The following GUCY2F variants were observed in gnomAD, a reference collection of about 807,000 sequenced individuals.
The protein encoded by GUCY2F is guanylate cyclase 2F, retinal, also known as retinal guanylyl cyclase 2.
In GUCY2F, 61 loss-of-function variants were observed where a neutral mutation model predicts 73.1. That is an observed-to-expected ratio of 0.83 (90% confidence interval 0.68 to 1.03). GUCY2F has a LOEUF of 1.03. GUCY2F is among the 50% of genes least tolerant of loss of function. The probability of loss-of-function intolerance (pLI) is 0.00; values close to 1 mark genes in which losing one functional copy is unlikely to be tolerated. For synonymous variants in GUCY2F, 331 were observed against 307.8 expected (o/e 1.08, Z -0.79); for missense variants, 912 against 854.3 (o/e 1.07, Z -0.84).
chrX:109,442,339 G>A (rs1931893031), intron 6 of GUCY2F, among the ~76,000 whole-genome samples: 1 of 111,136 alleles, frequency 9.0e-6, no homozygotes, highest in South Asian at 3.8e-4. Context: ...GCAATCCAGA[G>A]CTAGCCGTTA....
chrX:109,414,552 C>T (rs760307848), intron 8 of GUCY2F, among the ~76,000 whole-genome samples: 12 of 111,564 alleles, frequency 1.1e-4, no homozygotes, highest in African/African-American at 2.9e-4. Context: ...AGAGACAGAC[C>T]GGGGACAAAT....
rs1490224863 is a variant in GUCY2F at position 109,465,429 on chromosome X, T to A, written c.745A>T (p.Met249Leu). 8.4e-7 allele frequency: 1 copy of A among 1,195,493 alleles called. No homozygotes were observed. Among genetic ancestry groups the A allele is most frequent in the Admixed American group, 2.2e-5 (1 of 45,663 alleles). The change falls in exon 3 of 20, where the codon ATG becomes TTG. Residue 249 changes from methionine (M) to leucine (L), a missense_variant. Coordinates refer to ENST00000218006, the MANE Select transcript of GUCY2F (RefSeq NM_001522.3). Reference protein sequence around the residue: ...ADRIRIIIMCMHSALIGGETQ... With the variant: ...ADRIRIIIMCLHSALIGGETQ... ...TCTCCCCCAATCAAAGCTGAATGCA[T>A]ACACATGATGATTACTGAAACCAAC...
At chrX:109,414,547 C>T (rs1405359819) in intron 8 of GUCY2F, among the ~76,000 whole-genome samples, 2 of 111,863 alleles carry the variant, frequency 1.8e-5, no homozygotes, top group African/African-American at 6.5e-5. Context: ...CCCTGAGAGA[C>T]AGACCGGGGA....
At chrX:109,410,330 CA>C (rs1931079798) in intron 8 of GUCY2F, among the ~76,000 whole-genome samples, 1 of 111,979 alleles carries the variant, frequency 8.9e-6, no homozygotes, top group African/African-American at 3.3e-5. Context: ...CTCAGTGGCT[CA>C]AGAGGACTAA....
intron 19 of GUCY2F, 114 bp downstream of exon 19, chrX:109,375,784 C>A: frequency 3.6e-6 from 2 of 561,085 alleles, no homozygotes; most frequent in Non-Finnish European, 6.2e-6. Flanking sequence ...AATTCTCCAG[C>A]TCCATCACAC....
intron 3 of GUCY2F, among the ~76,000 whole-genome samples, chrX:109,464,099 G>A (rs1932418390): frequency 8.9e-6 from 1 of 112,384 alleles, no homozygotes; most frequent in Non-Finnish European, 1.9e-5. Flanking sequence ...GTTGTTCTAA[G>A]TACTTTTGAA....
In GUCY2F at chrX:109,376,083, C is replaced by G; in HGVS notation, c.3235G>C (p.Asp1079His). 1 of 1,195,191 alleles carries G rather than the reference C, an allele frequency of 8.4e-7. No homozygotes were observed. Among genetic ancestry groups the G allele is most frequent in the Non-Finnish European group, 1.1e-6 (1 of 880,204 alleles). The change falls in exon 18 of 20, where the codon GAT (aspartate) becomes CAT (histidine). Residue 1079 changes from aspartate to histidine, a missense_variant. By Grantham distance (81) the Asp-to-His change is moderately conservative. Transcript: ENST00000218006. ...TTAAATGTGAACTCCACTTACCCAT[C>G]TTTGTCCACTGGTGGGGGCACAGGA... ...PLPVPPPVDK[D>H]GQVGHGLQPV...
chrX:109,406,320 C>G (rs1930971879), intron 9 of GUCY2F, among the ~76,000 whole-genome samples: 1 of 111,623 alleles, frequency 9.0e-6, no homozygotes, highest in Non-Finnish European at 1.9e-5. Flanking sequence ...AGACCTCTCA[C>G]CTAGTTCTAG....
Position 109,392,066 on chromosome X carries a change from C to A in GUCY2F, c.2626G>T (p.Glu876Ter). 8.3e-7 allele frequency: 1 copy of A among 1,208,140 alleles called. No homozygotes were observed. Among genetic ancestry groups the A allele is most frequent in the South Asian group, 1.8e-5 (1 of 56,239 alleles). ...AESLKKGCTV[E>*]PEGFDLVTLY... is the part of the protein sequence containing the mutation. ...GTGACCAAGTCAAAGCCCTCAGGTT[C>A]AACTGTGCAGCCCTTTTTGAGAGAT... Residue 876 changes from glutamate (E) to a stop codon, truncating the protein, a stop_gained, in exon 14 of 20, where the codon GAA becomes TAA. Coordinates refer to ENST00000218006, the MANE Select transcript of GUCY2F (RefSeq NM_001522.3). LOFTEE classifies it high-confidence loss of function.
intron 11 of GUCY2F, among the ~76,000 whole-genome samples, chrX:109,396,516 G>T (rs995382198): frequency 9.0e-6 from 1 of 111,130 alleles, no homozygotes; most frequent in South Asian, 3.8e-4. Flanking sequence ...ATCACCCACA[G>T]AGTAAAATCC....
chrX:109,391,359 G>A (rs752042588), intron 14 of GUCY2F, among the ~76,000 whole-genome samples: 1 of 111,019 alleles, frequency 9.0e-6, no homozygotes, highest in African/African-American at 3.3e-5. Context: ...GCAGCTTTTC[G>A]GTTACCCTGT....
chrX:109,388,902 G>C (rs1930501192), intron 14 of GUCY2F, among the ~76,000 whole-genome samples: 1 of 111,000 alleles, frequency 9.0e-6, no homozygotes, highest in South Asian at 3.9e-4. Flanking sequence ...TACCTCACAG[G>C]CTCCTGATTG....
In GUCY2F at chrX:109,448,519, C is replaced by T. The variant is rs746927918; in HGVS notation, c.1473-354G>A. Reference sequence around the variant, plus strand: ...CTCTGAATACATTTAAGGAACTCAACACCCTTTCTCATATGCCATAGTATT... The same window carrying T: ...CTCTGAATACATTTAAGGAACTCAATACCCTTTCTCATATGCCATAGTATT... On this transcript the variant is annotated intron_variant, in intron 5 of 19. Coordinates refer to ENST00000218006, the MANE Select transcript of GUCY2F (RefSeq NM_001522.3). Among the ~76,000 whole-genome samples the T allele has an allele frequency of 1.2e-3, 137 of 112,430 alleles. 1 individual carries two copies. The highest frequency in any genetic ancestry group is 4.2e-3 in the African/African-American group (131 of 30,977).
At chrX:109,417,260 GA>G (rs1283441827) in intron 8 of GUCY2F, among the ~76,000 whole-genome samples, 6 of 111,177 alleles carry the variant, frequency 5.4e-5, no homozygotes, top group African/African-American at 1.9e-4. Flanking sequence ...AAATGCATAT[GA>G]ATGTTTAAAA....
rs1425876074 is a variant in GUCY2F, at chrX:109,473,523, G to A, written c.730+1684C>T. Among the ~76,000 whole-genome samples the A allele has an allele frequency of 3.6e-5, 4 of 111,747 alleles. No homozygotes were observed. The Admixed American group carries it at 3.8e-4, about 11-fold the overall frequency. On this transcript the variant is annotated intron_variant, in intron 2 of 19. Transcript: ENST00000218006. ...TTCTAGTAGAATTTCTGGAGGTGGC[G>A]CTGTGGCACCAGTATTCTTGAAAAG...
chrX:109,447,455 A>G (rs929960534), intron 6 of GUCY2F, among the ~76,000 whole-genome samples: 9 of 110,574 alleles, frequency 8.1e-5, no homozygotes, highest in African/African-American at 3.0e-4. Context: ...ATAAAAAATG[A>G]TGAGTTCATG....
At chrX:109,394,958 C>G (rs1396212163) in intron 12 of GUCY2F, among the ~76,000 whole-genome samples, 1 of 112,152 alleles carries the variant, frequency 8.9e-6, no homozygotes, top group Non-Finnish European at 1.9e-5. Context: ...CTGGTATCCC[C>G]AAAGTAAACA....
chrX:109,394,371 T>C (rs983743943), intron 12 of GUCY2F, among the ~76,000 whole-genome samples: 3 of 112,350 alleles, frequency 2.7e-5, no homozygotes, highest in African/African-American at 6.5e-5. Flanking sequence ...TTCCATACTA[T>C]TGAACACCTG....
At position 109,475,843 on chromosome X, in the gene GUCY2F, A is replaced by G. The variant is rs1932682134; in HGVS notation, c.94T>C (p.Phe32Leu). 5.8e-6 allele frequency: 7 copies of G among 1,211,187 alleles called. No individual in the cohort carries two copies. Among genetic ancestry groups the G allele is most frequent in the Non-Finnish European group, 7.8e-6 (7 of 895,201 alleles). The change falls in exon 2 of 20, where the codon TTC becomes CTC. Residue 32 changes from phenylalanine (F) to leucine (L), a missense_variant. Coordinates refer to ENST00000218006, the MANE Select transcript of GUCY2F (RefSeq NM_001522.3). ...GACAGAAGGCACAAGCACCACAGGAACTTGGCAGATGCAAGGCCATGGTGT... is the reference window on the plus strand; with the variant it reads ...GACAGAAGGCACAAGCACCACAGGAGCTTGGCAGATGCAAGGCCATGGTGT... ...LGHHGLASAK[F>L]LWCLCLLSVM...
Sources: allele counts gnomAD v4.1 joint callset (sites outside exome capture counted in the v4.1 genomes callset), GRCh38; gene constraint gnomAD v4.1.1; transcripts MANE v1.5; gene names NCBI Gene and HGNC (gene_info 2026-07-23, HGNC 2026-07-21).